MTHFD2L: variants seen among roughly 807,000 people sequenced by gnomAD.
The protein encoded by MTHFD2L is bifunctional methylenetetrahydrofolate dehydrogenase/cyclohydrolase 2, mitochondrial.
A neutral mutation model predicts 34.9 loss-of-function variants in MTHFD2L; 29 were observed. The ratio of observed to expected loss-of-function variants is 0.83; its 90% CI spans 0.62 to 1.13. The LOEUF (loss-of-function observed/expected upper bound fraction) is 1.13, where lower values mean the gene tolerates loss of function less well. MTHFD2L is among the 50% of genes most tolerant of loss of function. The probability of loss-of-function intolerance (pLI) is 0.00; values close to 1 mark genes in which losing one functional copy is unlikely to be tolerated. For missense variants in MTHFD2L, 481 were observed against 446.5 expected (o/e 1.08, Z -0.70); for synonymous variants, 167 against 155.7 (o/e 1.07, Z -0.54).
At chr4:74,223,814 T>G (rs1738657333) in intron 5 of MTHFD2L, among the ~76,000 whole-genome samples, 1 of 152,078 alleles carries the variant, frequency 6.6e-6, no homozygotes, top group South Asian at 2.1e-4. Context: ...TTTTAAAAAT[T>G]TGCATATGGT....
chr4:74,183,670 G>T (rs1730611537), intron 3 of MTHFD2L: 1 of 151,732 alleles, frequency 6.6e-6, no homozygotes, highest in Non-Finnish European at 1.5e-5. Context: ...CAACAAAAAA[G>T]AGATATTAAA....
intron 3 of MTHFD2L, chr4:74,183,617 A>G (rs1234135623): frequency 6.6e-6 from 1 of 152,002 alleles, no homozygotes; most frequent in Non-Finnish European, 1.5e-5. Context: ...ATGCCACTGG[A>G]CTCCAGCCTG....
At chr4:74,266,786 C>T in intron 6 of MTHFD2L, 3 of 900,882 alleles carry the variant, frequency 3.3e-6, no homozygotes, top group Non-Finnish European at 4.0e-6. Context: ...GCACTGAATG[C>T]CTTAGCTGCT....
chr4:74,249,713 A>C (rs1452525703), intron 6 of MTHFD2L, among the ~76,000 whole-genome samples: 1 of 151,956 alleles, frequency 6.6e-6, no homozygotes, highest in Non-Finnish European at 1.5e-5. Flanking sequence ...TTGTCTGTAA[A>C]GTATTTTATT....
intron 7 of MTHFD2L, among the ~76,000 whole-genome samples, chr4:74,300,928 T>TC (rs1387332984): frequency 5.9e-5 from 9 of 152,090 alleles, no homozygotes; most frequent in African/African-American, 2.2e-4. Flanking sequence ...GAGTATTGGT[T>TC]GATCATGGTT....
rs553542174 is a variant in MTHFD2L at position 74,218,621 on chromosome 4, C to T, written c.713-6681C>T. On this transcript the variant is annotated intron_variant, in intron 5 of 7. Coordinates refer to ENST00000325278, the MANE Select transcript of MTHFD2L (RefSeq NM_001144978.3). The stretch of plus-strand genomic sequence containing the variant: ...TCATTAAGGTAATTTCAAGCCCCCC[C>T]CCCACCACCAAAAAAATGATACTAA... 9.2e-5 allele frequency among the ~76,000 whole-genome samples: 14 copies of T among 151,688 alleles called. No individual in the cohort carries two copies. In the East Asian group the frequency reaches 2.3e-3, roughly 25 times the overall value.
At chr4:74,116,960 A>G (rs1578211175) in intron 2 of MTHFD2L, among the ~76,000 whole-genome samples, 1 of 152,386 alleles carries the variant, frequency 6.6e-6, no homozygotes, top group Non-Finnish European at 1.5e-5. Flanking sequence ...AGTAAACCAC[A>G]TATCGTTTTC....
At chr4:74,221,310 TAGTTA>T (rs1244868501) in intron 5 of MTHFD2L, among the ~76,000 whole-genome samples, 5 of 151,766 alleles carry the variant, frequency 3.3e-5, no homozygotes, top group Admixed American at 6.6e-5. Context: ...TATATAACAT[TAGTTA>T]AGTTATTGAC....
At chr4:74,178,052 T>A (rs558337681) in intron 3 of MTHFD2L, among the ~76,000 whole-genome samples, 1 of 50,938 alleles carries the variant, frequency 2.0e-5, no homozygotes, top group Admixed American at 3.2e-4. Flanking sequence ...AGTAAACTCA[T>A]GGAAACATAG....
intron 5 of MTHFD2L, among the ~76,000 whole-genome samples, chr4:74,212,151 T>C (rs1325159981): frequency 6.6e-6 from 1 of 152,178 alleles, no homozygotes; most frequent in Non-Finnish European, 1.5e-5. Context: ...TTAATACTCC[T>C]GCATTCCTTG....
intron 1 of MTHFD2L, among the ~76,000 whole-genome samples, chr4:74,163,510 C>A (rs1250222603): frequency 1.3e-5 from 2 of 152,126 alleles, no homozygotes; most frequent in Non-Finnish European, 2.9e-5. Context: ...GAAGAAGAGT[C>A]ATATATAATG....
intron 7 of MTHFD2L, among the ~76,000 whole-genome samples, chr4:74,292,013 C>G (rs2110311501): frequency 6.6e-6 from 1 of 152,258 alleles, no homozygotes; most frequent in South Asian, 2.1e-4. Context: ...TGTTCCAATC[C>G]TTTAGAAAAG....
intron 1 of MTHFD2L, among the ~76,000 whole-genome samples, chr4:74,169,539 T>A (rs1727459992): frequency 6.6e-6 from 1 of 152,230 alleles, no homozygotes; most frequent in African/African-American, 2.4e-5. Context: ...TGTATATTCC[T>A]TACTGTGTTA....
chr4:74,245,789 CCTA>C (rs1742348017), intron 6 of MTHFD2L, among the ~76,000 whole-genome samples: 1 of 151,980 alleles, frequency 6.6e-6, no homozygotes, highest in Admixed American at 6.6e-5. Flanking sequence ...CATCCATGTC[CCTA>C]CAAAGGACAT....
intron 1 of MTHFD2L, among the ~76,000 whole-genome samples, chr4:74,169,202 T>C (rs1208303655): frequency 6.6e-6 from 1 of 152,250 alleles, no homozygotes; most frequent in Non-Finnish European, 1.5e-5. Flanking sequence ...ACCTCAGTGC[T>C]ATAATTTAAA....
chr4:74,238,234 G>A (rs1039919553), intron 6 of MTHFD2L, among the ~76,000 whole-genome samples: 2 of 152,180 alleles, frequency 1.3e-5, no homozygotes, highest in Admixed American at 1.3e-4. Context: ...CCTGCTTTAG[G>A]TGTGGCTTTG....
upstream of MTHFD2L, among the ~76,000 whole-genome samples, chr4:74,121,413 A>G (rs1721754305): frequency 6.6e-6 from 1 of 151,586 alleles, no homozygotes. Flanking sequence ...TATCTTTGTG[A>G]AGTAGGGTTT....
At position 74,265,381 on chromosome 4, in the gene MTHFD2L, C is replaced by A. The variant is rs1745164471; in HGVS notation, c.806-16044C>A. Among the ~76,000 whole-genome samples the A allele has an allele frequency of 2.6e-5, 4 of 152,212 alleles. 1 individual carries two copies. The South Asian group carries it at 8.3e-4, about 32-fold the overall frequency. ...AGATATGACCTTCTCATGGCCATGG[C>A]AGAAATGGCAGAGGGTAAGTGGAAA... On this transcript the variant is annotated intron_variant, in intron 6 of 7. Coordinates refer to ENST00000325278, the MANE Select transcript of MTHFD2L (RefSeq NM_001144978.3).
chr4:74,221,455 T>C (rs75866153), intron 5 of MTHFD2L, among the ~76,000 whole-genome samples: 1,765 of 151,938 alleles, frequency 0.012, 39 homozygotes, highest in African/African-American at 0.04. Flanking sequence ...TTCTTTTTCT[T>C]ATGTATATAT....
Sources: gnomAD v4.1 joint callset for allele counts (sites outside exome capture counted in the v4.1 genomes callset) on GRCh38, gnomAD v4.1.1 for gene constraint, MANE v1.5 for transcripts, NCBI Gene and HGNC (gene_info 2026-07-23, HGNC 2026-07-21) for gene names.